Variants in NHERF1 observed in about 807,000 individuals in gnomAD.
NHERF1 encodes the protein NHERF family PDZ scaffold protein 1, also known as Na(+)/H(+) exchange regulatory cofactor NHE-RF1.
the NHERF1 span, among the ~76,000 whole-genome samples, chr17:74,749,544 C>G: frequency 6.6e-6 from 1 of 152,222 alleles, no homozygotes; most frequent in Non-Finnish European, 1.5e-5. This position sits in a 1 kb window ranked among gnomAD's most constrained non-coding sequence, Gnocchi z 5.6. Context: ...CTCTTGTTCC[C>G]TGGCCTTTGG....
the NHERF1 span, among the ~76,000 whole-genome samples, chr17:74,764,906 G>A: frequency 1.2e-3 from 180 of 152,322 alleles, no homozygotes; most frequent in Non-Finnish European, 2.0e-3. This position sits in a 1 kb window ranked among gnomAD's most constrained non-coding sequence, Gnocchi z 4.9. Flanking sequence ...GTCCTTGCCC[G>A]GGGAAGGCTG....
At chr17:74,750,953 G>A in the NHERF1 span, among the ~76,000 whole-genome samples, 2 of 152,042 alleles carry the variant, frequency 1.3e-5, no homozygotes, top group South Asian at 2.1e-4. Flanking sequence ...GTTTTGGAGG[G>A]ACACCTACAT....
the NHERF1 span, among the ~76,000 whole-genome samples, chr17:74,759,226 T>A: frequency 1.3e-5 from 2 of 152,130 alleles, no homozygotes. Flanking sequence ...CAGAGCCACA[T>A]CTAGACAGAA....
chr17:74,759,676 G>A, the NHERF1 span, among the ~76,000 whole-genome samples: 1 of 152,250 alleles, frequency 6.6e-6, no homozygotes, highest in South Asian at 2.1e-4. Flanking sequence ...CTCCAGCAGA[G>A]GCTGCAGCCG....
At chr17:74,757,785 C>A in the NHERF1 span, among the ~76,000 whole-genome samples, 1 of 152,224 alleles carries the variant, frequency 6.6e-6, no homozygotes, top group African/African-American at 2.4e-5. Context: ...TTCCTGCCCC[C>A]GCCGTCCTGC....
At chr17:74,767,887 C>T in the NHERF1 span, 9 of 578,088 alleles carry the variant, frequency 1.6e-5, no homozygotes, top group South Asian at 7.9e-5. Flanking sequence ...GGAGAGGGAG[C>T]GGTTCAGCTA....
chr17:74,749,128 G>A, the NHERF1 span: 1 of 1,569,694 alleles, frequency 6.4e-7, no homozygotes, highest in South Asian at 1.2e-5. The surrounding 1 kb of genome is among the most constrained non-coding windows in gnomAD (Gnocchi z 5.6). Flanking sequence ...TCGACCCCGA[G>A]ACGGACGAGC....
At chr17:74,749,131 G>C in the NHERF1 span, 2 of 1,567,354 alleles carry the variant, frequency 1.3e-6, no homozygotes, top group Non-Finnish European at 1.7e-6. The surrounding 1 kb of genome is among the most constrained non-coding windows in gnomAD (Gnocchi z 5.6). Context: ...ACCCCGAGAC[G>C]GACGAGCAGC....
the NHERF1 span, chr17:74,768,317 T>C: frequency 2.9e-6 from 4 of 1,386,248 alleles, no homozygotes; most frequent in Admixed American, 5.0e-5. Flanking sequence ...CACACCAGCC[T>C]GCCTTTGAGG....
the NHERF1 span, among the ~76,000 whole-genome samples, chr17:74,758,002 G>T: frequency 6.6e-6 from 1 of 152,220 alleles, no homozygotes; most frequent in African/African-American, 2.4e-5. This position sits in a 1 kb window ranked among gnomAD's most constrained non-coding sequence, Gnocchi z 4.3. Flanking sequence ...CGAAGGAAGC[G>T]GGCTGGGCTG....
the NHERF1 span, chr17:74,763,212 G>A: frequency 1.5e-6 from 1 of 661,864 alleles, no homozygotes; most frequent in Admixed American, 2.8e-5. Flanking sequence ...CCTAGTTCAG[G>A]ACTCTGCAGA....
At chr17:74,756,273 C>CTTTTTTTTTTTTTTTTTTTT in the NHERF1 span, among the ~76,000 whole-genome samples, 10 of 71,992 alleles carry the variant, frequency 1.4e-4, no homozygotes, top group Non-Finnish European at 2.0e-4. Context: ...TTCTTTCTTT[C>CTTTTTTTTTTTTTTTTTTTT]TTTTTTTTTT....
chr17:74,756,348 G>T, the NHERF1 span, among the ~76,000 whole-genome samples: 1 of 132,360 alleles, frequency 7.6e-6, no homozygotes, highest in East Asian at 2.2e-4. Context: ...GCGTGATCTC[G>T]GCTCACTGCA....
the NHERF1 span, among the ~76,000 whole-genome samples, chr17:74,763,932 C>CG: frequency 6.6e-6 from 1 of 152,190 alleles, no homozygotes; most frequent in East Asian, 1.9e-4. Context: ...AGTCCAGTGA[C>CG]GGGGGCCGGT....
At chr17:74,762,028 G>T in the NHERF1 span, 1 of 1,614,038 alleles carries the variant, frequency 6.2e-7, no homozygotes, top group African/African-American at 1.3e-5. The surrounding 1 kb of genome is among the most constrained non-coding windows in gnomAD (Gnocchi z 4.2). Flanking sequence ...CTTCGGCCTC[G>T]GCTCTGTACC....
At chr17:74,768,908 C>G in the NHERF1 span, 111 of 523,722 alleles carry the variant, frequency 2.1e-4, no homozygotes, top group Non-Finnish European at 2.2e-4. Context: ...TACCGGGTGT[C>G]CCTTTGCCAC....
the NHERF1 span, among the ~76,000 whole-genome samples, chr17:74,750,409 G>A: frequency 2.0e-5 from 3 of 152,198 alleles, no homozygotes; most frequent in South Asian, 2.1e-4. Context: ...GTGGGGCTAC[G>A]AGGAGCCTCC....
the NHERF1 span, chr17:74,768,168 G>A: frequency 2.5e-6 from 4 of 1,612,838 alleles, no homozygotes; most frequent in Non-Finnish European, 3.4e-6. Flanking sequence ...TGAAGCCCTG[G>A]CAGAGGCAGC....
At chr17:74,763,535 G>A in the NHERF1 span, 2 of 1,573,160 alleles carry the variant, frequency 1.3e-6, no homozygotes, top group South Asian at 1.2e-5. Context: ...GCCAGGTGGG[G>A]CCACTGGCCG....
Sources: allele counts gnomAD v4.1 joint callset (sites outside exome capture counted in the v4.1 genomes callset), GRCh38; gene constraint gnomAD v4.1.1; non-coding constraint Gnocchi (gnomAD v3.1); transcripts MANE v1.5; gene names NCBI Gene and HGNC (gene_info 2026-07-23, HGNC 2026-07-21).